Variants in CADM1 observed in about 807,000 individuals in gnomAD.
CADM1 encodes the protein TSLC-1.
In CADM1, 15 loss-of-function variants were observed where a neutral mutation model predicts 53.1. The ratio of observed to expected loss-of-function variants is 0.28; its 90% CI spans 0.19 to 0.44. The LOEUF is 0.44. CADM1 is among the 20% of genes least tolerant of loss of function. The probability of loss-of-function intolerance (pLI) is 1.00; values close to 1 mark genes in which losing one functional copy is unlikely to be tolerated. For missense variants in CADM1, 434 were observed against 611.3 expected (o/e 0.71, Z 3.06); for synonymous variants, 281 against 243.0 (o/e 1.16, Z -1.45).
intron 1 of CADM1, among the ~76,000 whole-genome samples, chr11:115,490,649 G>C (rs2135426477): frequency 6.6e-6 from 1 of 152,128 alleles, no homozygotes; most frequent in Non-Finnish European, 1.5e-5. Flanking sequence ...CCGCCCACCT[G>C]GGCCTCCCAA....
intron 9 of CADM1, among the ~76,000 whole-genome samples, chr11:115,191,936 G>A (rs563543279): frequency 6.6e-6 from 1 of 152,292 alleles, no homozygotes; most frequent in Admixed American, 6.5e-5. Context: ...TAAACTGCAA[G>A]GTCTTTGGAG....
At chr11:115,325,297 G>T (rs45474291) in intron 1 of CADM1, among the ~76,000 whole-genome samples, 19,292 of 152,062 alleles carry the variant, frequency 0.13, 1,325 homozygotes, top group Middle Eastern at 0.17. Context: ...CGTCCCAGAC[G>T]TGCATCTCCT....
chr11:115,460,486 C>A (rs1948771444), intron 1 of CADM1, among the ~76,000 whole-genome samples: 1 of 152,194 alleles, frequency 6.6e-6, no homozygotes, highest in Non-Finnish European at 1.5e-5. Context: ...GGGCCAAAAA[C>A]CATGCATTAA....
chr11:115,385,769 C>T (rs1946685667), intron 1 of CADM1, among the ~76,000 whole-genome samples: 1 of 152,264 alleles, frequency 6.6e-6, no homozygotes, highest in South Asian at 2.1e-4. Context: ...ATTGACTGCC[C>T]AGACCAGCTA....
intron 1 of CADM1, among the ~76,000 whole-genome samples, chr11:115,431,219 G>A (rs373431964): frequency 5.3e-5 from 8 of 151,986 alleles, no homozygotes; most frequent in South Asian, 4.2e-4. Flanking sequence ...GGATTATTTC[G>A]TGTTATTTAA....
intron 1 of CADM1, among the ~76,000 whole-genome samples, chr11:115,262,823 T>G (rs996876544): frequency 7.2e-5 from 11 of 152,148 alleles, no homozygotes; most frequent in African/African-American, 2.7e-4. Flanking sequence ...CATTTTATTT[T>G]GAAATACCTA....
At chr11:115,394,299 A>G (rs1946930596) in intron 1 of CADM1, among the ~76,000 whole-genome samples, 1 of 152,222 alleles carries the variant, frequency 6.6e-6, no homozygotes, top group Non-Finnish European at 1.5e-5. Context: ...AAGAAAATTC[A>G]AGCAAACCTA....
At chr11:115,340,654 ATATATTTT>A (rs1358097670) in intron 1 of CADM1, among the ~76,000 whole-genome samples, 9 of 52,666 alleles carry the variant, frequency 1.7e-4, no homozygotes, top group African/African-American at 7.9e-4. Context: ...ATATATATAT[ATATATTTT>A]TTTTTTTTTT....
intron 1 of CADM1, among the ~76,000 whole-genome samples, chr11:115,361,891 TTTTGTTTTG>T (rs775300848): frequency 1.4e-5 from 2 of 147,376 alleles, no homozygotes; most frequent in Admixed American, 6.7e-5. Context: ...ACACCCGAGT[TTTTGTTTTG>T]TTTTGTTTTG....
At chr11:115,419,350 T>C (rs1947695675) in intron 1 of CADM1, among the ~76,000 whole-genome samples, 1 of 152,216 alleles carries the variant, frequency 6.6e-6, no homozygotes, top group Admixed American at 6.6e-5. Flanking sequence ...CAAGTAACTT[T>C]AGAAAACATT....
intron 5 of CADM1, 188 bp from the exon 6 acceptor site, chr11:115,218,179 G>A: frequency 1.7e-6 from 1 of 604,250 alleles, no homozygotes; most frequent in South Asian, 1.8e-5. Flanking sequence ...TAACTCTAAG[G>A]AGTGAACCGC....
intron 1 of CADM1, among the ~76,000 whole-genome samples, chr11:115,420,357 C>T (rs1194258555): frequency 1.3e-5 from 2 of 152,142 alleles, no homozygotes; most frequent in African/African-American, 4.8e-5. Context: ...AGCTGTCAGC[C>T]AAAGCTGGCA....
At chr11:115,336,983 CAA>C (rs1289448174) in intron 1 of CADM1, among the ~76,000 whole-genome samples, 1 of 152,108 alleles carries the variant, frequency 6.6e-6, no homozygotes, top group Non-Finnish European at 1.5e-5. Context: ...TTACACATTT[CAA>C]AGATGCCATC....
chr11:115,372,849 C>T (rs1946341572), intron 1 of CADM1, among the ~76,000 whole-genome samples: 1 of 152,156 alleles, frequency 6.6e-6, no homozygotes, highest in Non-Finnish European at 1.5e-5. Flanking sequence ...CTCAGGTGAG[C>T]ATGGATGAAA....
At chr11:115,427,307 A>G (rs555586940) in intron 1 of CADM1, among the ~76,000 whole-genome samples, 2 of 152,362 alleles carry the variant, frequency 1.3e-5, no homozygotes, top group South Asian at 2.1e-4. Context: ...AAACAGAGGT[A>G]TATGTGTGCT....
chr11:115,189,759 A>G (rs1939755308), intron 10 of CADM1, among the ~76,000 whole-genome samples: 1 of 152,242 alleles, frequency 6.6e-6, no homozygotes, highest in African/African-American at 2.4e-5. Flanking sequence ...GGTACTTAGT[A>G]CATGACAGGT....
chr11:115,209,484 A>T, intron 8 of CADM1, 90 bp downstream of exon 8: 4 of 1,582,230 alleles, frequency 2.5e-6, no homozygotes, highest in African/African-American at 1.3e-5. Flanking sequence ...AATTCCAAGG[A>T]TTTAAAGGGA....
chr11:115,441,352 T>C (rs220859), intron 1 of CADM1, among the ~76,000 whole-genome samples: 73,600 of 151,974 alleles, frequency 0.48, 19,429 homozygotes, highest in Non-Finnish European at 0.62. Flanking sequence ...ATGTGTAAAG[T>C]TTGCAGAGAT....
intron 1 of CADM1, among the ~76,000 whole-genome samples, chr11:115,374,271 A>G (rs1946384525): frequency 6.6e-6 from 1 of 152,234 alleles, no homozygotes; most frequent in Non-Finnish European, 1.5e-5. Flanking sequence ...TAATTTGAGC[A>G]TCAGTAAGAA....
Sources: allele counts gnomAD v4.1 joint callset (sites outside exome capture counted in the v4.1 genomes callset), GRCh38; gene constraint gnomAD v4.1.1; transcripts MANE v1.5; gene names NCBI Gene and HGNC (gene_info 2026-07-23, HGNC 2026-07-21).